Variants in SDK2 observed in about 807,000 individuals in gnomAD.
SDK2 encodes protein sidekick-2.
Under a neutral mutation model 253.9 loss-of-function variants are expected in SDK2, and 105 were observed. The observed-to-expected ratio is 0.41, with a 90% CI of 0.35 to 0.49. The LOEUF (loss-of-function observed/expected upper bound fraction) is 0.49, where lower values mean the gene tolerates loss of function less well. Ranked by LOEUF, SDK2 falls within the 20% of genes least tolerant of loss-of-function variation. SDK2 has a pLI of 0.06. For missense variants in SDK2, 2,608 were observed against 3,003.0 expected (o/e 0.87, Z 3.07); for synonymous variants, 1,249 against 1,234.9 (o/e 1.01, Z -0.24).
chr17:73,410,134 G>A (rs1434266011), intron 18 of SDK2, among the ~76,000 whole-genome samples: 4 of 152,026 alleles, frequency 2.6e-5, no homozygotes, highest in Non-Finnish European at 4.4e-5. Context: ...GATTCCAGGC[G>A]TGAGCCACGG....
chr17:73,454,996 T>A (rs2063514486), intron 4 of SDK2, among the ~76,000 whole-genome samples: 1 of 152,120 alleles, frequency 6.6e-6, no homozygotes, highest in African/African-American at 2.4e-5. Context: ...AGCCGCCGCG[T>A]CCGGCCTGTG....
At chr17:73,635,328 C>T (rs1459549972) in intron 1 of SDK2, among the ~76,000 whole-genome samples, 4 of 152,142 alleles carry the variant, frequency 2.6e-5, no homozygotes, top group African/African-American at 9.7e-5. Flanking sequence ...CCCGTCTGGG[C>T]CCCTGCTGCC....
chr17:73,604,515 G>A (rs1329936018), intron 1 of SDK2, among the ~76,000 whole-genome samples: 1 of 152,206 alleles, frequency 6.6e-6, no homozygotes, highest in African/African-American at 2.4e-5. Flanking sequence ...ACAAACAGTT[G>A]CTCTGGGATC....
intron 1 of SDK2, chr17:73,521,051 T>G (rs1409019080): frequency 6.6e-6 from 1 of 150,756 alleles, no homozygotes; most frequent in African/African-American, 2.4e-5. Context: ...TTTTTTTTTT[T>G]TTTTTTTGAG....
chr17:73,526,672 C>T (rs776777198), intron 1 of SDK2, among the ~76,000 whole-genome samples: 5 of 151,224 alleles, frequency 3.3e-5, no homozygotes, highest in Non-Finnish European at 7.4e-5. Flanking sequence ...TGTGTGTTTG[C>T]ATATGTGTGT....
intron 3 of SDK2, among the ~76,000 whole-genome samples, chr17:73,460,973 G>T (rs986222354): frequency 6.6e-6 from 1 of 152,230 alleles, no homozygotes; most frequent in Non-Finnish European, 1.5e-5. Flanking sequence ...GGAAATGAAG[G>T]CTCATGGAGA....
chr17:73,359,939 G>A (rs1290432851), intron 39 of SDK2, among the ~76,000 whole-genome samples: 3 of 152,092 alleles, frequency 2.0e-5, no homozygotes, highest in Non-Finnish European at 2.9e-5. Context: ...CCCACACCCG[G>A]CTGGTTCTTT....
In SDK2 at chr17:73,472,176, G is replaced by A. The variant is rs1466050514; in HGVS notation, c.267C>T (p.Tyr89=). The A allele has an allele frequency of 6.4e-7, 1 of 1,551,702 alleles. No homozygotes were observed. Residue 89 remains tyrosine, a synonymous_variant, in exon 3 of 45, where the codon TAC becomes TAT. Transcript: ENST00000392650. ...CCATTCGGTTCCGCACGATGCAACGGTAAAAGCCAGCGTGGGTGCGGTCCA... is the reference window on the plus strand; with the variant it reads ...CCATTCGGTTCCGCACGATGCAACGATAAAAGCCAGCGTGGGTGCGGTCCA... ...TSLDRTHAGF[Y]RCIVRNRMGA...
intron 40 of SDK2, among the ~76,000 whole-genome samples, chr17:73,355,581 C>T (rs187733496): frequency 6.6e-4 from 100 of 152,180 alleles, no homozygotes; most frequent in African/African-American, 2.2e-3. Context: ...CTCCTGACCT[C>T]GTGATCCGCC....
intron 18 of SDK2, among the ~76,000 whole-genome samples, chr17:73,405,214 G>A (rs2063061276): frequency 7.8e-6 from 1 of 128,450 alleles, no homozygotes; most frequent in African/African-American, 2.9e-5. Context: ...AGGCCAATGT[G>A]GGTGAATCAC....
intron 1 of SDK2, among the ~76,000 whole-genome samples, chr17:73,509,068 G>T (rs954461682): frequency 6.6e-6 from 1 of 152,202 alleles, no homozygotes; most frequent in African/African-American, 2.4e-5. Context: ...AAGCTGTGCA[G>T]GCTGCTGCTG....
intron 1 of SDK2, among the ~76,000 whole-genome samples, chr17:73,592,703 T>C (rs2045699876): frequency 6.6e-6 from 1 of 152,080 alleles, no homozygotes; most frequent in African/African-American, 2.4e-5. Context: ...CTGAGGATGC[T>C]CAGATGACGG....
intron 36 of SDK2, among the ~76,000 whole-genome samples, chr17:73,375,891 A>AAAT (rs746913907): frequency 2.0e-5 from 3 of 151,324 alleles, no homozygotes; most frequent in Non-Finnish European, 4.4e-5. Flanking sequence ...AAATAAACTA[A>AAAT]ACTAAAATAA....
chr17:73,612,477 G>A lies in SDK2; in HGVS notation c.64+31548C>T, dbSNP rs2045988614. Among the ~76,000 whole-genome samples, 2 of 152,206 alleles carry A rather than the reference G, an allele frequency of 1.3e-5. No homozygotes were observed. On this transcript the variant is annotated intron_variant, in intron 1 of 44. Transcript: ENST00000392650. This position sits in a 1 kb window ranked among gnomAD's most constrained non-coding sequence, Gnocchi z 4.4. ...GGTCCTTGTGGCCCTGCCGGGGTGA[G>A]GGTAGAAGAGGAGGCCAAGGGAAGG... is the stretch of plus-strand genomic sequence containing the variant.
intron 36 of SDK2, among the ~76,000 whole-genome samples, chr17:73,378,856 G>C (rs530289447): frequency 6.6e-6 from 1 of 152,214 alleles, no homozygotes; most frequent in Non-Finnish European, 1.5e-5. Flanking sequence ...TGGGGTTGGG[G>C]GCTGGTGGGG....
chr17:73,445,301 C>A (rs555137677), intron 5 of SDK2, among the ~76,000 whole-genome samples: 2 of 152,146 alleles, frequency 1.3e-5, no homozygotes, highest in African/African-American at 2.4e-5. Context: ...TGAATGTCAA[C>A]GATTTCTTTT....
chr17:73,397,586 A>G (rs967006647), intron 24 of SDK2, among the ~76,000 whole-genome samples: 4 of 152,212 alleles, frequency 2.6e-5, no homozygotes, highest in African/African-American at 9.7e-5. Context: ...TACCTCGTGC[A>G]GGATGGCCCA....
At chr17:73,523,598 G>C (rs1025657542) in intron 1 of SDK2, among the ~76,000 whole-genome samples, 1 of 152,092 alleles carries the variant, frequency 6.6e-6, no homozygotes, top group African/African-American at 2.4e-5. Context: ...CCAGAAACCA[G>C]AAGAGGCAAG....
At position 73,361,789 on chromosome 17, in the gene SDK2, C is replaced by T; in HGVS notation, c.5362G>A (p.Val1788Met). ...VKGNSPLWLK[V>M]KDLAEGVTYR... The stretch of plus-strand genomic sequence containing the variant: ...GTCACCCCCTCCGCCAGGTCCTTCA[C>T]CTTCAGCCACAGGGGGCTGTTCCCC... The change falls in exon 39 of 45, where the codon GTG becomes ATG. Residue 1788 changes from valine (V) to methionine (M), a missense_variant. By Grantham distance (21) the Val-to-Met change is conservative. Coordinates refer to ENST00000392650, the MANE Select transcript of SDK2 (RefSeq NM_001144952.2). The surrounding 1 kb of genome is among the most constrained non-coding windows in gnomAD (Gnocchi z 4.1). 1 of 1,610,438 alleles carries T rather than the reference C, an allele frequency of 6.2e-7. No individual in the cohort carries two copies. The highest frequency in any genetic ancestry group is 2.2e-5 in the East Asian group (1 of 44,766).
Sources: allele counts gnomAD v4.1 joint callset (sites outside exome capture counted in the v4.1 genomes callset), GRCh38; gene constraint gnomAD v4.1.1; non-coding constraint Gnocchi (gnomAD v3.1); transcripts MANE v1.5; gene names NCBI Gene and HGNC (gene_info 2026-07-23, HGNC 2026-07-21).